Variants in ZNF385B observed in about 807,000 individuals in gnomAD.
The protein encoded by ZNF385B is zinc finger protein 385B, also known as zinc finger protein 533.
ZNF385B carries 23 observed loss-of-function variants against 39.2 expected under a neutral mutation model. The observed-to-expected ratio is 0.59, with a 90% confidence interval of 0.42 to 0.83. ZNF385B has a LOEUF of 0.83. Ranked by LOEUF, ZNF385B falls within the 40% of genes least tolerant of loss-of-function variation. The probability of loss-of-function intolerance (pLI) is 0.00; values close to 1 mark genes in which losing one functional copy is unlikely to be tolerated. For synonymous variants in ZNF385B, 205 were observed against 222.6 expected (o/e 0.92, Z 0.70); for missense variants, 552 against 598.9 (o/e 0.92, Z 0.82).
At chr2:179,487,921 A>G (rs572993893) in intron 5 of ZNF385B, among the ~76,000 whole-genome samples, 1 of 152,362 alleles carries the variant, frequency 6.6e-6, no homozygotes, top group East Asian at 1.9e-4. Flanking sequence ...AAAGAAGAAC[A>G]GCTTTGATAG....
intron 1 of ZNF385B, among the ~76,000 whole-genome samples, chr2:179,842,999 C>A (rs919920306): frequency 9.9e-5 from 15 of 152,136 alleles, no homozygotes; most frequent in Non-Finnish European, 1.6e-4. Flanking sequence ...CTAGGTGTCA[C>A]CGCCCCCACC....
At chr2:179,676,630 G>A (rs916503536) in intron 3 of ZNF385B, among the ~76,000 whole-genome samples, 2 of 152,206 alleles carry the variant, frequency 1.3e-5, no homozygotes, top group East Asian at 3.8e-4. Context: ...GGCCCACAGG[G>A]AGCTGTTGCC....
intron 6 of ZNF385B, among the ~76,000 whole-genome samples, chr2:179,475,215 A>G (rs2053269907): frequency 6.6e-6 from 1 of 152,044 alleles, no homozygotes; most frequent in Non-Finnish European, 1.5e-5. Context: ...GCCATGCTGG[A>G]CAACACAGAT....
At chr2:179,728,712 G>A (rs1199579753) in intron 3 of ZNF385B, among the ~76,000 whole-genome samples, 1 of 152,090 alleles carries the variant, frequency 6.6e-6, no homozygotes, top group Non-Finnish European at 1.5e-5. Context: ...ATACTGGTTT[G>A]CAAACTCTAA....
At chr2:179,458,140 T>G (rs1004072980) in intron 6 of ZNF385B, among the ~76,000 whole-genome samples, 14 of 152,226 alleles carry the variant, frequency 9.2e-5, no homozygotes, top group Admixed American at 1.3e-4. Context: ...CCATATGATA[T>G]GGTTTGGCTG....
chr2:179,521,393 T>A (rs1478711366), intron 4 of ZNF385B, among the ~76,000 whole-genome samples: 1 of 128,132 alleles, frequency 7.8e-6, no homozygotes, highest in Admixed American at 9.4e-5. Flanking sequence ...AGAGACTGGG[T>A]TTCGTCATAT....
intron 4 of ZNF385B, among the ~76,000 whole-genome samples, chr2:179,526,927 C>T (rs924726691): frequency 1.5e-4 from 23 of 152,210 alleles, no homozygotes; most frequent in Non-Finnish European, 7.3e-5. Flanking sequence ...AACTGGTCCC[C>T]TCTTTCACTG....
chr2:179,802,042 C>G (rs965357053), intron 1 of ZNF385B, among the ~76,000 whole-genome samples: 1 of 152,084 alleles, frequency 6.6e-6, no homozygotes, highest in Non-Finnish European at 1.5e-5. Context: ...ACTGAAATAA[C>G]GTAATTCAAA....
intron 3 of ZNF385B, among the ~76,000 whole-genome samples, chr2:179,679,862 C>A (rs1203708029): frequency 1.3e-5 from 2 of 152,138 alleles, no homozygotes; most frequent in African/African-American, 4.8e-5. Context: ...TTGCCTACCC[C>A]ATCAGTCTAA....
At chr2:179,448,069 G>A (rs749526229) in intron 6 of ZNF385B, among the ~76,000 whole-genome samples, 4 of 151,330 alleles carry the variant, frequency 2.6e-5, no homozygotes, top group Admixed American at 2.6e-4. Flanking sequence ...GGTTTACTTA[G>A]AATAAATGAA....
intron 3 of ZNF385B, among the ~76,000 whole-genome samples, chr2:179,637,770 G>C (rs1277859658): frequency 6.6e-6 from 1 of 152,232 alleles, no homozygotes; most frequent in Non-Finnish European, 1.5e-5. Context: ...TAATCCCAGA[G>C]ACAGATTGTT....
intron 1 of ZNF385B, among the ~76,000 whole-genome samples, chr2:179,838,015 G>A (rs1293699478): frequency 6.6e-6 from 1 of 151,866 alleles, no homozygotes; most frequent in South Asian, 2.1e-4. Flanking sequence ...AAAATTTTAA[G>A]TGCACAATAT....
intron 3 of ZNF385B, among the ~76,000 whole-genome samples, chr2:179,726,823 A>T (rs1054935915): frequency 6.6e-6 from 1 of 152,086 alleles, no homozygotes; most frequent in Admixed American, 6.5e-5. Context: ...TGCACATAGG[A>T]TATCTGTCAG....
At chr2:179,642,976 T>G (rs1471923248) in intron 3 of ZNF385B, among the ~76,000 whole-genome samples, 1 of 152,148 alleles carries the variant, frequency 6.6e-6, no homozygotes, top group Non-Finnish European at 1.5e-5. Context: ...ACTGTTTCAG[T>G]TGTGAGCTGA....
intron 3 of ZNF385B, among the ~76,000 whole-genome samples, chr2:179,642,135 T>A (rs773754924): frequency 6.6e-6 from 1 of 152,156 alleles, no homozygotes; most frequent in Non-Finnish European, 1.5e-5. Context: ...ACAATAAAGA[T>A]AGGTATACTT....
At chr2:179,608,112 C>T (rs544775394) in intron 3 of ZNF385B, among the ~76,000 whole-genome samples, 1 of 152,114 alleles carries the variant, frequency 6.6e-6, no homozygotes, top group African/African-American at 2.4e-5. Context: ...TGGGGTTTCA[C>T]CACATTGGCC....
chr2:179,652,227 T>A (rs1416081451), intron 3 of ZNF385B, among the ~76,000 whole-genome samples: 1 of 152,200 alleles, frequency 6.6e-6, no homozygotes, highest in Non-Finnish European at 1.5e-5. Context: ...TGTGGTTTCA[T>A]TTTTCACAGT....
At position 179,590,835 on chromosome 2, in the gene ZNF385B, C is replaced by G. The variant is rs542254422; in HGVS notation, c.299-45866G>C. 2.0e-5 allele frequency among the ~76,000 whole-genome samples: 3 copies of G among 152,120 alleles called. No homozygotes were observed. In the East Asian group the frequency reaches 5.8e-4, roughly 29 times the overall value. The stretch of plus-strand genomic sequence containing the variant: ...ATGTCCCTTACACACCCCTTGCCTT[C>G]CACCATGATTGTAAGTTTCCTGAGG... On this transcript the variant is annotated intron_variant, in intron 3 of 9. Coordinates refer to ENST00000410066, the MANE Select transcript of ZNF385B (RefSeq NM_152520.6).
intron 3 of ZNF385B, among the ~76,000 whole-genome samples, chr2:179,570,126 G>T (rs1685042863): frequency 6.6e-6 from 1 of 152,084 alleles, no homozygotes; most frequent in South Asian, 2.1e-4. Context: ...GCATGTAGGG[G>T]ATCAGAACTT....
Sources: allele counts gnomAD v4.1 joint callset (sites outside exome capture counted in the v4.1 genomes callset), GRCh38; gene constraint gnomAD v4.1.1; transcripts MANE v1.5; gene names NCBI Gene and HGNC (gene_info 2026-07-23, HGNC 2026-07-21).